MRAP2: variants seen among roughly 807,000 people sequenced by gnomAD.
MRAP2 encodes melanocortin 2 receptor accessory protein 2, also known as melanocortin-2 receptor accessory protein 2.
Under a neutral mutation model 17.4 loss-of-function variants are expected in MRAP2, and 20 were observed. The ratio of observed to expected loss-of-function variants is 1.15; its 90% CI spans 0.81 to 1.67. The LOEUF (loss-of-function observed/expected upper bound fraction) is 1.67. Ranked by LOEUF, MRAP2 falls within the 40% of genes most tolerant of loss-of-function variation. The probability of loss-of-function intolerance (pLI) is 0.00; values close to 1 mark genes in which losing one functional copy is unlikely to be tolerated. For synonymous variants in MRAP2, 96 were observed against 88.4 expected (o/e 1.09, Z -0.48); for missense variants, 238 against 240.0 (o/e 0.99, Z 0.05).
chr6:84,051,281 G>T (rs1242708563), intron 1 of MRAP2, among the ~76,000 whole-genome samples: 1 of 152,192 alleles, frequency 6.6e-6, no homozygotes, highest in Non-Finnish European at 1.5e-5. Flanking sequence ...AGAGGACTGG[G>T]CACGGTGACT....
At chr6:84,108,399 T>C in the MRAP2 span, among the ~76,000 whole-genome samples, 1 of 152,164 alleles carries the variant, frequency 6.6e-6, no homozygotes, top group African/African-American at 2.4e-5. Flanking sequence ...TATCTCATTG[T>C]GGTTTTGATA....
the MRAP2 span, among the ~76,000 whole-genome samples, chr6:84,127,644 C>G: frequency 6.6e-6 from 1 of 152,078 alleles, no homozygotes. Context: ...ACAGAATGGT[C>G]AATTATTATT....
Position 84,083,625 on chromosome 6 carries a change from CCTCT to C in MRAP2, c.228-5463_228-5460del, listed in dbSNP as rs373404425. On this transcript the variant is annotated intron_variant, in intron 3 of 3. Transcript: ENST00000257776. The stretch of plus-strand genomic sequence containing the variant: ...AATTGTATGCTGACAATTTTGAAGA[CCTCT>C]CTATTTTTATTTTGTCAACAAACTT... Among the ~76,000 whole-genome samples the C allele has an allele frequency of 5.0e-3, 767 of 152,082 alleles. 9 individuals are homozygous for C. Among genetic ancestry groups the C allele is most frequent in the African/African-American group, 0.016 (677 of 41,496 alleles).
chr6:84,095,829 G>A (rs775936352), downstream of MRAP2, among the ~76,000 whole-genome samples: 4 of 152,224 alleles, frequency 2.6e-5, no homozygotes, highest in Non-Finnish European at 4.4e-5. Context: ...AGGCAGATGT[G>A]TGTGAGTGGC....
the MRAP2 span, chr6:84,126,451 T>C: frequency 1.3e-6 from 2 of 1,589,532 alleles, no homozygotes; most frequent in Non-Finnish European, 1.7e-6. Context: ...GCCCACGAAA[T>C]GTTTCATCTC....
chr6:84,042,224 A>G (rs1367874601), intron 1 of MRAP2, among the ~76,000 whole-genome samples: 2 of 152,154 alleles, frequency 1.3e-5, no homozygotes, highest in Admixed American at 1.3e-4. Flanking sequence ...CCTTTCCACC[A>G]TGACTGTAAG....
chr6:84,057,982 C>A (rs1407847921), intron 2 of MRAP2, among the ~76,000 whole-genome samples: 1 of 152,058 alleles, frequency 6.6e-6, no homozygotes, highest in Non-Finnish European at 1.5e-5. Context: ...CTGGATCATG[C>A]AAGGAGGCCA....
the MRAP2 span, among the ~76,000 whole-genome samples, chr6:84,117,882 G>C: frequency 1.3e-5 from 2 of 152,204 alleles, no homozygotes; most frequent in South Asian, 2.1e-4. Flanking sequence ...ATACTGACTT[G>C]TTGTTGGGCC....
intron 3 of MRAP2, among the ~76,000 whole-genome samples, chr6:84,067,075 C>A (rs1562883200): frequency 6.6e-6 from 1 of 151,908 alleles, no homozygotes; most frequent in Non-Finnish European, 1.5e-5. Context: ...TCCATTGTTT[C>A]ATTCTTCTGC....
the MRAP2 span, among the ~76,000 whole-genome samples, chr6:84,125,524 G>GAGTA: frequency 6.6e-6 from 1 of 152,054 alleles, no homozygotes; most frequent in Non-Finnish European, 1.5e-5. Flanking sequence ...ACTGTATGTG[G>GAGTA]AGTAAGGAAA....
intron 1 of MRAP2, among the ~76,000 whole-genome samples, chr6:84,038,776 T>G (rs569298470): frequency 6.6e-6 from 1 of 152,378 alleles, no homozygotes; most frequent in South Asian, 2.1e-4. Flanking sequence ...ATTACAATTG[T>G]GAGCCACTGT....
intron 1 of MRAP2, among the ~76,000 whole-genome samples, chr6:84,049,585 G>C (rs2099489873): frequency 6.6e-6 from 1 of 152,138 alleles, no homozygotes; most frequent in South Asian, 2.1e-4. Flanking sequence ...GTGAAATAAG[G>C]GTGCCCACTT....
chr6:84,135,326 AC>A, the MRAP2 span, among the ~76,000 whole-genome samples: 2 of 152,194 alleles, frequency 1.3e-5, no homozygotes, highest in Non-Finnish European at 2.9e-5. Context: ...AGAGTGATTC[AC>A]CCAGATGATG....
chr6:84,058,330 T>G (rs2099492199), intron 2 of MRAP2, among the ~76,000 whole-genome samples: 1 of 152,212 alleles, frequency 6.6e-6, no homozygotes. Flanking sequence ...TTTTAAAAGA[T>G]GGATCTGGCA....
chr6:84,093,161 G>A (rs2497122), downstream of MRAP2, among the ~76,000 whole-genome samples: 28,760 of 152,106 alleles, frequency 0.19, 5,462 homozygotes, highest in African/African-American at 0.49. Flanking sequence ...CATTTCAGTT[G>A]AAGTTGTTAT....
the MRAP2 span, among the ~76,000 whole-genome samples, chr6:84,137,774 A>G: frequency 1.3e-5 from 2 of 152,166 alleles, no homozygotes; most frequent in Non-Finnish European, 2.9e-5. Flanking sequence ...GATGAATACT[A>G]AAACACAAAA....
At chr6:84,045,248 A>G in intron 1 of MRAP2, 4 of 985,422 alleles carry the variant, frequency 4.1e-6, no homozygotes, top group Non-Finnish European at 4.8e-6. Context: ...CATGCTGGAC[A>G]TCGGGCAGCC....
chr6:84,127,367 A>C, the MRAP2 span, among the ~76,000 whole-genome samples: 3 of 152,126 alleles, frequency 2.0e-5, no homozygotes, highest in Non-Finnish European at 4.4e-5. Flanking sequence ...TTAGTTGAAA[A>C]ACATGCAAAG....
chr6:84,088,944 CAT>C, intron 3 of MRAP2, 145 bp from the exon 4 acceptor site: 1 of 837,780 alleles, frequency 1.2e-6, no homozygotes, highest in African/African-American at 1.7e-5. Context: ...TCTTATTTCT[CAT>C]GTTTGTCTGC....
Sources: gnomAD v4.1 joint callset for allele counts (sites outside exome capture counted in the v4.1 genomes callset) on GRCh38, gnomAD v4.1.1 for gene constraint, MANE v1.5 for transcripts, NCBI Gene and HGNC (gene_info 2026-07-23, HGNC 2026-07-21) for gene names.